TRRAP: variants seen among roughly 807,000 people sequenced by gnomAD.
TRRAP encodes the protein transformation/transcription domain associated protein.
TRRAP carries 41 observed loss-of-function variants against 438.8 expected under a neutral mutation model. That is an observed-to-expected ratio of 0.09 (90% CI 0.07 to 0.12). The LOEUF (loss-of-function observed/expected upper bound fraction) is 0.12, where lower values mean the gene tolerates loss of function less well. TRRAP is among the 10% of genes least tolerant of loss of function. TRRAP has a pLI of 1.00. For synonymous variants in TRRAP, 1,994 were observed against 1,962.9 expected (o/e 1.02, Z -0.42); for missense variants, 3,122 against 5,055.1 (o/e 0.62, Z 11.60).
chr7:99,012,149 C>T lies in TRRAP; in HGVS notation c.11416C>T (p.Pro3806Ser), dbSNP rs145490453. 1.1e-4 allele frequency: 176 copies of T among 1,614,238 alleles called. No homozygotes were observed. The highest frequency in any genetic ancestry group is 1.4e-4 in the Non-Finnish European group (171 of 1,180,050). The change falls in exon 73 of 73, where the codon CCT becomes TCT. Residue 3806 changes from proline to serine, a missense_variant. Physicochemically the swap from Pro to Ser is moderately conservative, Grantham distance 74. Transcript: ENST00000456197. This position sits in a 1 kb window ranked among gnomAD's most constrained non-coding sequence, Gnocchi z 5.9. ...AAAAACACAAGAGGACACGTCCTCT[C>T]CTCTCTCGGCCGCCGGGCAGCCAGA... is the stretch of plus-strand genomic sequence containing the variant. ...HKKTQEDTSS[P>S]LSAAGQPENM...
chr7:98,897,589 A>G, intron 7 of TRRAP, 152 bp from the exon 8 acceptor site: 1 of 993,440 alleles, frequency 1.0e-6, no homozygotes, highest in South Asian at 1.8e-5. Flanking sequence ...GAGCCTAAAT[A>G]CTGTGGAGTT....
At chr7:98,879,909 C>T (rs1356177444) in intron 1 of TRRAP, among the ~76,000 whole-genome samples, 8 of 152,126 alleles carry the variant, frequency 5.3e-5, no homozygotes, top group African/African-American at 1.7e-4. Flanking sequence ...TGAAAGAAAA[C>T]GAAGCCATGA....
chr7:98,945,254 A>G (rs1790996667), intron 31 of TRRAP, among the ~76,000 whole-genome samples: 1 of 152,182 alleles, frequency 6.6e-6, no homozygotes, highest in Non-Finnish European at 1.5e-5. Context: ...ACACACACCC[A>G]CACAGAGCTA....
At chr7:98,957,058 C>G (rs1471420801) in intron 43 of TRRAP, among the ~76,000 whole-genome samples, 1 of 152,176 alleles carries the variant, frequency 6.6e-6, no homozygotes, top group Non-Finnish European at 1.5e-5. Context: ...TCACCATCCC[C>G]CATCTTATGT....
chr7:98,922,136 C>T (rs1290173440), intron 21 of TRRAP, among the ~76,000 whole-genome samples, 183 bp downstream of exon 21: 1 of 152,116 alleles, frequency 6.6e-6, no homozygotes, highest in Non-Finnish European at 1.5e-5. Context: ...AGGGGTGTCA[C>T]CTGAGAACTT....
Position 98,931,390 on chromosome 7 carries a change from A to G in TRRAP, c.3592-15A>G. 1 of 1,611,004 alleles carries G rather than the reference A, an allele frequency of 6.2e-7. No homozygotes were observed. Among genetic ancestry groups the G allele is most frequent in the South Asian group, 1.1e-5 (1 of 91,048 alleles). On this transcript the variant is annotated splice_polypyrimidine_tract_variant and intron_variant, in intron 25 of 72. Coordinates refer to ENST00000456197, the MANE Select transcript of TRRAP (RefSeq NM_001375524.1). ...CATCGCCCTGCTTTCATTCTAAGAC[A>G]TCCCTGACTTGCAGGTTTCCAATGG...
At chr7:98,965,384 G>C (rs915318361) in intron 48 of TRRAP, among the ~76,000 whole-genome samples, 2 of 152,120 alleles carry the variant, frequency 1.3e-5, no homozygotes, top group Non-Finnish European at 2.9e-5. Flanking sequence ...GGCAGGGGCT[G>C]TGGTGGGCAT....
intron 6 of TRRAP, among the ~76,000 whole-genome samples, chr7:98,894,783 G>GTTTTTTTTTTTTTTTTTTTTTTTTTTTTT (rs56407045): frequency 1.1e-5 from 1 of 87,418 alleles, no homozygotes; most frequent in African/African-American, 4.7e-5. Flanking sequence ...CCAGCTAATG[G>GTTTTTTTTTTTTTTTTTTTTTTTTTTTTT]TTTTTTTTTT....
At chr7:98,951,317 C>A (rs142484300) in intron 39 of TRRAP, among the ~76,000 whole-genome samples, 1 of 152,234 alleles carries the variant, frequency 6.6e-6, no homozygotes, top group Non-Finnish European at 1.5e-5. Flanking sequence ...ACCCCTGTTG[C>A]CGGTCAGCAG....
At chr7:98,931,699 C>T in intron 26 of TRRAP, 34 bp downstream of exon 26, 1 of 1,590,320 alleles carries the variant, frequency 6.3e-7, no homozygotes, top group Non-Finnish European at 8.6e-7. Context: ...AAGGTAATTT[C>T]AACAAAACTT....
Position 98,955,149 on chromosome 7 carries a change from A to C in TRRAP, c.5782A>C (p.Arg1928=). ...AHAMEARAIV[R]QAMAILTPAV... is the part of the protein sequence containing the mutation. ...CGCAATGGAAGCTCGAGCGATCGTC[A>C]GACAGGCGATGGCCATTCTGACCCC... The change falls in exon 41 of 73, where the codon AGA becomes CGA. Residue 1928 remains arginine (R), a synonymous_variant. Coordinates refer to ENST00000456197, the MANE Select transcript of TRRAP (RefSeq NM_001375524.1). The C allele has an allele frequency of 6.2e-7, 1 of 1,614,240 alleles. No homozygotes were observed. The highest frequency in any genetic ancestry group is 8.5e-7 in the Non-Finnish European group (1 of 1,180,048).
At chr7:98,953,094 A>C in intron 39 of TRRAP, 73 bp from the exon 40 acceptor site, 5 of 1,515,538 alleles carry the variant, frequency 3.3e-6, no homozygotes, top group Admixed American at 3.6e-5. Context: ...TAAGGCTTAA[A>C]CCTGTCGTAT....
intron 46 of TRRAP, 64 bp downstream of exon 46, chr7:98,961,538 G>A (rs1791891976): frequency 6.4e-7 from 1 of 1,567,490 alleles, no homozygotes; most frequent in Non-Finnish European, 8.7e-7. Flanking sequence ...AGCTTGCTAT[G>A]AGAGCGCTTG....
At position 98,948,380 on chromosome 7, in the gene TRRAP, C is replaced by T. The variant is rs1297839093; in HGVS notation, c.4668+40C>T. On this transcript the variant is annotated intron_variant, in intron 34 of 72. Coordinates refer to ENST00000456197, the MANE Select transcript of TRRAP (RefSeq NM_001375524.1). This position sits in a 1 kb window ranked among gnomAD's most constrained non-coding sequence, Gnocchi z 4.9. ...GAAGGCTGCTTCTCGCTCTGCCACC[C>T]TCCGGTGCTTATAGCGTCCTCACTT... The T allele has an allele frequency of 6.2e-6, 10 of 1,613,502 alleles. No individual in the cohort carries two copies. The highest frequency in any genetic ancestry group is 1.3e-5 in the African/African-American group (1 of 74,922).
At chr7:98,985,169 A>G (rs1793096970) in intron 62 of TRRAP, 125 bp downstream of exon 62, 1 of 633,584 alleles carries the variant, frequency 1.6e-6, no homozygotes, top group South Asian at 2.3e-5. Context: ...GTCATTAGGT[A>G]GGATTTTTTA....
chr7:98,903,568 C>CT (rs1322513766), intron 12 of TRRAP, 51 bp downstream of exon 12: 2 of 1,605,804 alleles, frequency 1.2e-6, no homozygotes, highest in Non-Finnish European at 1.7e-6. Flanking sequence ...CTGTGGCCAT[C>CT]TTTGGGGACT....
chr7:98,999,388 T>C, intron 67 of TRRAP: 1 of 1,328,966 alleles, frequency 7.5e-7, no homozygotes, highest in Non-Finnish European at 1.1e-6. Flanking sequence ...TCATCCACAA[T>C]TTCCTCTTGA....
chr7:98,981,882 G>A lies in TRRAP; in HGVS notation c.8748G>A (p.Glu2916=), dbSNP rs371757710. The part of the protein sequence containing the change: ...QQLSFIERLV[E]MASSLAIREW... ...TCAGCTTCATCGAGCGCCTGGTGGA[G>A]ATGGCCAGCAGCCTGGCCATCCGCG... Residue 2916 remains glutamate (E), a synonymous_variant, in exon 59 of 73, where the codon GAG becomes GAA. Coordinates refer to ENST00000456197, the MANE Select transcript of TRRAP (RefSeq NM_001375524.1). 1.2e-6 allele frequency: 2 copies of A among 1,609,638 alleles called. No individual in the cohort carries two copies. The highest frequency in any genetic ancestry group is 1.3e-5 in the African/African-American group (1 of 74,972).
At chr7:98,899,653 T>C in intron 9 of TRRAP, 26 bp from the exon 10 acceptor site, 1 of 1,613,908 alleles carries the variant, frequency 6.2e-7, no homozygotes, top group Non-Finnish European at 8.5e-7. Context: ...TGTCAATGTA[T>C]GAAAATCTGG....
Sources: gnomAD v4.1 joint callset for allele counts (sites outside exome capture counted in the v4.1 genomes callset) on GRCh38, gnomAD v4.1.1 for gene constraint, Gnocchi (gnomAD v3.1) non-coding constraint, MANE v1.5 for transcripts, NCBI Gene and HGNC (gene_info 2026-07-23, HGNC 2026-07-21) for gene names.